Variants in PRR5L observed in about 807,000 individuals in gnomAD.
PRR5L encodes the protein proline rich 5 like, also known as proline-rich protein 5-like.
In PRR5L, 21 loss-of-function variants were observed where a neutral mutation model predicts 36.4. The observed-to-expected ratio is 0.58, with a 90% CI of 0.41 to 0.83. PRR5L has a LOEUF of 0.83. Among genes scored for constraint, PRR5L ranks in the 40% least tolerant of loss-of-function variants. The pLI, the probability that PRR5L is intolerant of heterozygous loss-of-function variation, is 0.00. For missense variants in PRR5L, 381 were observed against 473.3 expected, an observed-to-expected ratio of 0.80 and a Z score of 1.81; for synonymous variants, 188 against 197.0, an observed-to-expected ratio of 0.95 and a Z score of 0.38.
chr11:36,356,893 G>T (rs1006791756), intron 1 of PRR5L, among the ~76,000 whole-genome samples: 4 of 152,148 alleles, frequency 2.6e-5, no homozygotes, highest in African/African-American at 9.7e-5. Flanking sequence ...TCAAGTGGAG[G>T]AAAGATCATG....
At chr11:36,392,013 G>A (rs1020684192) in intron 1 of PRR5L, among the ~76,000 whole-genome samples, 2 of 151,984 alleles carry the variant, frequency 1.3e-5, no homozygotes, top group African/African-American at 4.8e-5. Flanking sequence ...TCCTGTCTCC[G>A]TGAGTTCAAT....
chr11:36,411,810 A>G (rs923161231), intron 3 of PRR5L, among the ~76,000 whole-genome samples: 6 of 152,062 alleles, frequency 3.9e-5, no homozygotes, highest in Non-Finnish European at 5.9e-5. Context: ...TACCTAACAT[A>G]TTACCTGCTT....
At chr11:36,306,045 T>A (rs1174885223) in intron 1 of PRR5L, among the ~76,000 whole-genome samples, 2 of 151,984 alleles carry the variant, frequency 1.3e-5, no homozygotes, top group African/African-American at 4.8e-5. Flanking sequence ...AATGACAGGA[T>A]CTCATTCTTT....
intron 1 of PRR5L, among the ~76,000 whole-genome samples, chr11:36,328,281 A>G (rs1305893849): frequency 6.6e-6 from 1 of 152,182 alleles, no homozygotes; most frequent in Non-Finnish European, 1.5e-5. Context: ...TGAGGCTGAT[A>G]TGGTTTGGAT....
chr11:36,357,832 G>A (rs539574014), intron 1 of PRR5L, among the ~76,000 whole-genome samples: 1 of 152,316 alleles, frequency 6.6e-6, no homozygotes, highest in Admixed American at 6.5e-5. Flanking sequence ...CATCCGTTCT[G>A]CAGCCCAGGG....
chr11:36,320,313 G>A (rs1459731829), intron 1 of PRR5L, among the ~76,000 whole-genome samples: 3 of 147,336 alleles, frequency 2.0e-5, no homozygotes, highest in African/African-American at 7.6e-5. Context: ...GTGCGATCTC[G>A]GCTCAGTGCA....
chr11:36,391,707 C>T (rs1232734406), intron 1 of PRR5L, among the ~76,000 whole-genome samples: 1 of 152,120 alleles, frequency 6.6e-6, no homozygotes, highest in Non-Finnish European at 1.5e-5. Flanking sequence ...TTTGTGGGTA[C>T]TTAGTGTGTA....
chr11:36,450,957 C>A (rs559683532), intron 7 of PRR5L, among the ~76,000 whole-genome samples: 1 of 152,254 alleles, frequency 6.6e-6, no homozygotes, highest in East Asian at 1.9e-4. Flanking sequence ...AGGTGGGACA[C>A]CCACACTGCA....
At chr11:36,399,057 A>G (rs565002191) in intron 1 of PRR5L, among the ~76,000 whole-genome samples, 1 of 152,324 alleles carries the variant, frequency 6.6e-6, no homozygotes, top group South Asian at 2.1e-4. Flanking sequence ...TCCCAAAGCT[A>G]GCCAATTTAA....
intron 4 of PRR5L, 140 bp downstream of exon 4, chr11:36,419,443 G>A (rs1030008453): frequency 5.1e-5 from 38 of 743,724 alleles, no homozygotes; most frequent in Non-Finnish European, 8.2e-5. Context: ...TGTGCTGCAC[G>A]TTGCAGAGGG....
Position 36,322,332 on chromosome 11 carries a change from C to G in PRR5L, c.-126+25894C>G, listed in dbSNP as rs989055289. The stretch of plus-strand genomic sequence containing the variant: ...GGGTATCTACTTTTTTAAAGTATCT[C>G]AGTAAAATATCTCCAACAATATGTA... On this transcript the variant is annotated intron_variant, in intron 1 of 8. Coordinates refer to ENST00000530639, the MANE Select transcript of PRR5L (RefSeq NM_001160167.2). Among the ~76,000 whole-genome samples, 11 of 152,124 alleles carry G rather than the reference C, an allele frequency of 7.2e-5. No homozygotes were observed. In the South Asian group the frequency reaches 1.3e-3, roughly 17 times the overall value.
intron 1 of PRR5L, among the ~76,000 whole-genome samples, chr11:36,358,039 A>G (rs1029323134): frequency 6.6e-6 from 1 of 152,206 alleles, no homozygotes; most frequent in Non-Finnish European, 1.5e-5. Context: ...CAGCATTAAC[A>G]GGTGTTTAGA....
intron 3 of PRR5L, among the ~76,000 whole-genome samples, chr11:36,414,225 A>G (rs1858091459): frequency 6.6e-6 from 1 of 151,390 alleles, no homozygotes; most frequent in Non-Finnish European, 1.5e-5. Flanking sequence ...TTGGGTATAT[A>G]CCCAGTAATG....
At chr11:36,311,295 T>TA in intron 1 of PRR5L, among the ~76,000 whole-genome samples, 1 of 152,298 alleles carries the variant, frequency 6.6e-6, no homozygotes, top group South Asian at 2.1e-4. Flanking sequence ...CTTGGTGACA[T>TA]ATCTAGCACC....
intron 1 of PRR5L, among the ~76,000 whole-genome samples, chr11:36,301,366 G>A (rs1856374558): frequency 6.6e-6 from 1 of 152,032 alleles, no homozygotes; most frequent in African/African-American, 2.4e-5. Context: ...AGCATCAGAG[G>A]CGTCAAGGCT....
chr11:36,400,045 G>A (rs573818417), intron 1 of PRR5L, among the ~76,000 whole-genome samples: 5 of 152,336 alleles, frequency 3.3e-5, no homozygotes, highest in African/African-American at 9.6e-5. Flanking sequence ...CTTTAACCGC[G>A]AAGCCATGAA....
chr11:36,376,717 T>TG, intron 1 of PRR5L: 1 of 980,066 alleles, frequency 1.0e-6, no homozygotes, highest in Non-Finnish European at 1.2e-6. Flanking sequence ...GAGTGGTGGG[T>TG]GGGGGGCGTC....
chr11:36,451,016 C>T (rs1239996778), intron 7 of PRR5L, among the ~76,000 whole-genome samples, 193 bp from the exon 8 acceptor site: 1 of 152,238 alleles, frequency 6.6e-6, no homozygotes, highest in Non-Finnish European at 1.5e-5. Context: ...ATGCACAGTT[C>T]TAATTGCAGT....
intron 1 of PRR5L, among the ~76,000 whole-genome samples, chr11:36,353,670 G>C (rs1244654344): frequency 6.6e-6 from 1 of 152,168 alleles, no homozygotes; most frequent in Non-Finnish European, 1.5e-5. Flanking sequence ...ATTCTCATAA[G>C]GAGCACACAA....
Sources: gnomAD v4.1 joint callset for allele counts (sites outside exome capture counted in the v4.1 genomes callset) on GRCh38, gnomAD v4.1.1 for gene constraint, MANE v1.5 for transcripts, NCBI Gene and HGNC (gene_info 2026-07-23, HGNC 2026-07-21) for gene names.